LRRTM4: variants seen among roughly 807,000 people sequenced by gnomAD.
The protein encoded by LRRTM4 is leucine rich repeat transmembrane neuronal 4.
A neutral mutation model predicts 47.6 loss-of-function variants in LRRTM4; 25 were observed. That is an observed-to-expected ratio of 0.53 (90% confidence interval 0.38 to 0.73). The LOEUF (loss-of-function observed/expected upper bound fraction) is 0.73, where lower values mean the gene tolerates loss of function less well. Among genes scored for constraint, LRRTM4 ranks in the 30% least tolerant of loss-of-function variants. LRRTM4 has a pLI of 0.00. For synonymous variants in LRRTM4, 311 were observed against 269.5 expected (o/e 1.15, Z -1.51); for missense variants, 638 against 713.4 (o/e 0.89, Z 1.20).
intron 3 of LRRTM4, among the ~76,000 whole-genome samples, chr2:76,989,135 G>T (rs1229601880): frequency 6.6e-6 from 1 of 151,648 alleles, no homozygotes; most frequent in Non-Finnish European, 1.5e-5. Flanking sequence ...TTTTCATTTT[G>T]ATTTATCCAT....
At chr2:76,986,367 G>A (rs1165076389) in intron 3 of LRRTM4, among the ~76,000 whole-genome samples, 1 of 151,910 alleles carries the variant, frequency 6.6e-6, no homozygotes. Flanking sequence ...ATACTAGAGA[G>A]ATTTCTTTTC....
intron 3 of LRRTM4, among the ~76,000 whole-genome samples, chr2:77,466,629 T>G (rs1676991744): frequency 6.6e-6 from 1 of 152,098 alleles, no homozygotes; most frequent in Non-Finnish European, 1.5e-5. Flanking sequence ...AAAATTCCAA[T>G]TCTTTGTTTC....
At position 76,794,602 on chromosome 2, in the gene LRRTM4, C is replaced by T. The variant is rs144629223; in HGVS notation, c.1552-45686G>A. 5.5e-3 allele frequency among the ~76,000 whole-genome samples: 837 copies of T among 152,190 alleles called. 9 individuals carry two copies. Among genetic ancestry groups the T allele is most frequent in the African/African-American group, 0.019 (801 of 41,522 alleles). On this transcript the variant is annotated intron_variant, in intron 3 of 3. Transcript: ENST00000409884. ...GATTTTACTAACCAGGCACCTATAC[C>T]ATTTTCAAAAAGCAATAATTTTATC...
chr2:76,801,901 G>A (rs369160125), intron 3 of LRRTM4, among the ~76,000 whole-genome samples: 2 of 152,122 alleles, frequency 1.3e-5, no homozygotes, highest in Non-Finnish European at 2.9e-5. Context: ...ATGCAGAAAT[G>A]CATTGGACAA....
At chr2:76,911,496 A>G (rs1029370343) in intron 3 of LRRTM4, among the ~76,000 whole-genome samples, 3 of 152,214 alleles carry the variant, frequency 2.0e-5, no homozygotes, top group East Asian at 1.9e-4. Context: ...TAAATCCAGT[A>G]TATCAGAATT....
intron 3 of LRRTM4, among the ~76,000 whole-genome samples, chr2:77,257,847 C>T (rs1675812305): frequency 6.6e-6 from 1 of 151,820 alleles, no homozygotes; most frequent in Non-Finnish European, 1.5e-5. Context: ...AATAGCAATA[C>T]CCATAAGGGA....
intron 3 of LRRTM4, among the ~76,000 whole-genome samples, chr2:77,025,631 G>T (rs1229045558): frequency 6.6e-6 from 1 of 151,940 alleles, no homozygotes; most frequent in Non-Finnish European, 1.5e-5. Context: ...CAATAGCTTA[G>T]TAAGTGACTA....
At chr2:76,958,483 T>C (rs998963330) in intron 3 of LRRTM4, among the ~76,000 whole-genome samples, 1 of 151,802 alleles carries the variant, frequency 6.6e-6, no homozygotes, top group Non-Finnish European at 1.5e-5. Flanking sequence ...AGAACCCTTT[T>C]AAATTTTTGG....
chr2:76,936,680 C>G (rs1674962348), intron 3 of LRRTM4, among the ~76,000 whole-genome samples: 1 of 151,210 alleles, frequency 6.6e-6, no homozygotes, highest in African/African-American at 2.4e-5. Context: ...CCTGGCCGGG[C>G]ACAGTGACTC....
chr2:77,311,825 C>T (rs989261367), intron 3 of LRRTM4, among the ~76,000 whole-genome samples: 7 of 152,160 alleles, frequency 4.6e-5, no homozygotes, highest in Admixed American at 3.3e-4. Flanking sequence ...AGTGAGAATT[C>T]TGGCTTTGTT....
intron 3 of LRRTM4, among the ~76,000 whole-genome samples, chr2:76,804,718 AAC>A: frequency 6.8e-6 from 1 of 147,708 alleles, no homozygotes; most frequent in Non-Finnish European, 1.5e-5. Flanking sequence ...GTATATATAA[AAC>A]AATGATATAT....
At chr2:77,186,128 A>C (rs1455290109) in intron 3 of LRRTM4, among the ~76,000 whole-genome samples, 1 of 152,146 alleles carries the variant, frequency 6.6e-6, no homozygotes, top group Non-Finnish European at 1.5e-5. Flanking sequence ...ATTTCCATGA[A>C]TTTCTATCAA....
At chr2:76,927,808 C>G (rs1674637370) in intron 3 of LRRTM4, among the ~76,000 whole-genome samples, 1 of 152,082 alleles carries the variant, frequency 6.6e-6, no homozygotes, top group Non-Finnish European at 1.5e-5. Context: ...CCGTCTAAGG[C>G]TCTCAACATT....
rs1344448743 is a variant in LRRTM4, at chr2:77,331,771, T to G, written c.1551+186547A>C. The stretch of plus-strand genomic sequence containing the variant: ...TCATGATTACTTCTATTCTGACACT[T>G]TAATAGCAGTTGATACTGAGTAAAA... On this transcript the variant is annotated intron_variant, in intron 3 of 3. Coordinates refer to ENST00000409884, the MANE Select transcript of LRRTM4 (RefSeq NM_001134745.3). Among the ~76,000 whole-genome samples, 4 of 152,280 alleles carry G rather than the reference T, an allele frequency of 2.6e-5. 1 individual carries two copies. The East Asian group carries it at 7.7e-4, about 29-fold the overall frequency.
Position 77,257,645 on chromosome 2 carries a change from T to C in LRRTM4, c.1551+260673A>G, listed in dbSNP as rs141086947. On this transcript the variant is annotated intron_variant, in intron 3 of 3. Transcript: ENST00000409884. ...GACAAGAGCAGGAAAAGATAAGTTA[T>C]AGACCGAGAGAAAATATTTGCAAAG... 1.3e-3 allele frequency among the ~76,000 whole-genome samples: 197 copies of C among 152,048 alleles called. 4 individuals carry two copies. Among genetic ancestry groups the C allele is most frequent in the East Asian group, 0.012 (60 of 5,160 alleles).
At chr2:76,915,408 A>C (rs973392473) in intron 3 of LRRTM4, among the ~76,000 whole-genome samples, 1 of 152,158 alleles carries the variant, frequency 6.6e-6, no homozygotes, top group Non-Finnish European at 1.5e-5. Context: ...CATATGCAAG[A>C]TTTACTTTTA....
At chr2:77,199,757 C>T (rs1051124331) in intron 3 of LRRTM4, among the ~76,000 whole-genome samples, 57 of 152,138 alleles carry the variant, frequency 3.7e-4, no homozygotes, top group African/African-American at 1.4e-3. Flanking sequence ...TTATAGCATG[C>T]TGTTTAAAAA....
intron 3 of LRRTM4, among the ~76,000 whole-genome samples, chr2:77,269,971 G>C (rs1676149624): frequency 6.6e-6 from 1 of 152,136 alleles, no homozygotes. Flanking sequence ...TTCCAACATT[G>C]ATTTAGCTGT....
chr2:77,032,734 G>A (rs1678706554), intron 3 of LRRTM4, among the ~76,000 whole-genome samples: 1 of 152,030 alleles, frequency 6.6e-6, no homozygotes, highest in African/African-American at 2.4e-5. Flanking sequence ...TCTTCTTTAA[G>A]ACTTACCGAT....
Sources: allele counts gnomAD v4.1 joint callset (sites outside exome capture counted in the v4.1 genomes callset), GRCh38; gene constraint gnomAD v4.1.1; transcripts MANE v1.5; gene names NCBI Gene and HGNC (gene_info 2026-07-23, HGNC 2026-07-21).